The following ANTXR1 variants were observed in gnomAD, a reference collection of about 807,000 sequenced individuals.
ANTXR1 encodes anthrax toxin receptor 1.
In ANTXR1, 19 loss-of-function variants were observed where a neutral mutation model predicts 78.1. That is an observed-to-expected ratio of 0.24 (90% CI 0.17 to 0.36). ANTXR1 has a LOEUF of 0.36. Among genes scored for constraint, ANTXR1 ranks in the 10% least tolerant of loss-of-function variants. The pLI is 1.00. For missense variants in ANTXR1, 518 were observed against 718.6 expected, an observed-to-expected ratio of 0.72 and a Z score of 3.19; for synonymous variants, 273 against 260.5, an observed-to-expected ratio of 1.05 and a Z score of -0.46.
intron 3 of ANTXR1, among the ~76,000 whole-genome samples, chr2:69,064,601 T>G (rs1275766674): frequency 6.6e-6 from 1 of 152,088 alleles, no homozygotes; most frequent in East Asian, 1.9e-4. Flanking sequence ...TATATATGGT[T>G]TACAAGAGAC....
chr2:69,118,044 G>A (rs921976803), intron 10 of ANTXR1, among the ~76,000 whole-genome samples: 15 of 152,116 alleles, frequency 9.9e-5, no homozygotes, highest in Non-Finnish European at 1.9e-4. Flanking sequence ...GTAAACCTAT[G>A]TCATAGGTAC....
chr2:69,242,040 T>C (rs938332016), intron 17 of ANTXR1, among the ~76,000 whole-genome samples: 2 of 152,122 alleles, frequency 1.3e-5, no homozygotes, highest in African/African-American at 4.8e-5. Context: ...TGCTCAGCTC[T>C]AAAGGACCAG....
chr2:69,049,321 AT>A (rs1558742482), intron 3 of ANTXR1, among the ~76,000 whole-genome samples: 1 of 151,800 alleles, frequency 6.6e-6, no homozygotes, highest in Non-Finnish European at 1.5e-5. Flanking sequence ...TATTATTTTT[AT>A]TTTTTTAAGA....
At chr2:69,199,130 C>A (rs1674719836) in intron 17 of ANTXR1, among the ~76,000 whole-genome samples, 1 of 152,198 alleles carries the variant, frequency 6.6e-6, no homozygotes, top group East Asian at 1.9e-4. Context: ...ACAGGGGATT[C>A]CTGTAGCAGA....
At chr2:69,213,533 C>T (rs762480484) in intron 17 of ANTXR1, among the ~76,000 whole-genome samples, 14 of 152,226 alleles carry the variant, frequency 9.2e-5, no homozygotes, top group Non-Finnish European at 1.8e-4. Flanking sequence ...CAACAAGATG[C>T]AACAGATATC....
At chr2:69,242,319 ACAGATGTGAGAGAC>A (rs918701822) in intron 17 of ANTXR1, among the ~76,000 whole-genome samples, 3 of 152,034 alleles carry the variant, frequency 2.0e-5, no homozygotes, top group Admixed American at 1.3e-4. Flanking sequence ...TCTTCAGGGG[ACAGATGTGAGAGAC>A]CATCTTTTAG....
Position 69,077,487 on chromosome 2 carries a change from C to T in ANTXR1, c.641C>T (p.Ser214Leu). ...GFQALQGIIH[S>L]ILKKSCIEIL... ...CAGGCTCTGCAAGGCATCATCCACT[C>T]AGTAAGTAGAGCTCTTCCTCTGAGA... The change falls in exon 8 of 18, where the codon TCA becomes TTA. Residue 214 changes from serine (S) to leucine (L), a missense_variant and splice_region_variant. Physicochemically the swap from Ser to Leu is moderately radical, Grantham distance 145. Coordinates refer to ENST00000303714, the MANE Select transcript of ANTXR1 (RefSeq NM_032208.3). 1 of 1,614,136 alleles carries T rather than the reference C, an allele frequency of 6.2e-7. No individual in the cohort carries two copies. Among genetic ancestry groups the T allele is most frequent in the Non-Finnish European group, 8.5e-7 (1 of 1,179,990 alleles).
chr2:69,115,549 C>T (rs1573896725), intron 10 of ANTXR1, among the ~76,000 whole-genome samples: 1 of 152,228 alleles, frequency 6.6e-6, no homozygotes, highest in Middle Eastern at 3.4e-3. Context: ...AAAACCTTGC[C>T]CATGGTGACA....
chr2:69,209,627 T>C (rs1026112492), intron 17 of ANTXR1, among the ~76,000 whole-genome samples: 1 of 152,190 alleles, frequency 6.6e-6, no homozygotes, highest in Non-Finnish European at 1.5e-5. Flanking sequence ...AAGCCCTCTC[T>C]AAAGAGGCGA....
chr2:69,095,343 C>T (rs1671363668), intron 9 of ANTXR1, among the ~76,000 whole-genome samples: 1 of 152,074 alleles, frequency 6.6e-6, no homozygotes, highest in South Asian at 2.1e-4. Flanking sequence ...CCAAATCCAC[C>T]CACACCCCTA....
chr2:69,042,489 G>T (rs1252420948), intron 2 of ANTXR1, among the ~76,000 whole-genome samples: 1 of 152,042 alleles, frequency 6.6e-6, no homozygotes, highest in Non-Finnish European at 1.5e-5. Context: ...GTTTCCTCCA[G>T]GTCTTTGTTT....
At chr2:69,063,934 T>C (rs1670319116) in intron 3 of ANTXR1, among the ~76,000 whole-genome samples, 1 of 151,732 alleles carries the variant, frequency 6.6e-6, no homozygotes, top group Non-Finnish European at 1.5e-5. Flanking sequence ...TAAAAGCTAA[T>C]AGATGATACT....
chr2:69,046,463 C>T (rs1360809180), intron 3 of ANTXR1, among the ~76,000 whole-genome samples: 2 of 152,194 alleles, frequency 1.3e-5, no homozygotes, highest in Non-Finnish European at 2.9e-5. Context: ...GTTTCCTGTT[C>T]TGAAGAGAAA....
At chr2:69,118,184 G>A (rs1197105277) in intron 10 of ANTXR1, among the ~76,000 whole-genome samples, 1 of 150,462 alleles carries the variant, frequency 6.6e-6, no homozygotes, top group Non-Finnish European at 1.5e-5. Flanking sequence ...GCTGAAGCAG[G>A]CAGATAGTTT....
chr2:69,029,369 A>G (rs1402503385), intron 1 of ANTXR1, among the ~76,000 whole-genome samples: 1 of 150,438 alleles, frequency 6.6e-6, no homozygotes, highest in Non-Finnish European at 1.5e-5. Flanking sequence ...GAGAACACTT[A>G]TAAGAGATAC....
At chr2:69,072,945 G>T (rs986260578) in intron 5 of ANTXR1, 77 bp from the exon 6 acceptor site, 6 of 1,429,494 alleles carry the variant, frequency 4.2e-6, no homozygotes, top group Non-Finnish European at 5.9e-6. Flanking sequence ...CTCGTAAGAG[G>T]TTGAATCCTG....
At chr2:69,220,562 C>A (rs1675294281) in intron 17 of ANTXR1, among the ~76,000 whole-genome samples, 1 of 152,122 alleles carries the variant, frequency 6.6e-6, no homozygotes. Flanking sequence ...ACATAAAAGG[C>A]CTCTTTATAC....
At chr2:69,176,192 T>C (rs1004467866) in intron 14 of ANTXR1, among the ~76,000 whole-genome samples, 1 of 151,788 alleles carries the variant, frequency 6.6e-6, no homozygotes, top group Non-Finnish European at 1.5e-5. Context: ...AAAAAGAACA[T>C]TGCTGCTAGG....
chr2:69,077,752 C>T (rs1009971044), intron 8 of ANTXR1, among the ~76,000 whole-genome samples: 32 of 152,220 alleles, frequency 2.1e-4, no homozygotes, highest in Non-Finnish European at 4.6e-4. Flanking sequence ...AGGCCCTCTC[C>T]GTTCTCCTAA....
Sources: allele counts gnomAD v4.1 joint callset (sites outside exome capture counted in the v4.1 genomes callset), GRCh38; gene constraint gnomAD v4.1.1; transcripts MANE v1.5; gene names NCBI Gene and HGNC (gene_info 2026-07-23, HGNC 2026-07-21).